The following CACNA2D3 variants were observed in gnomAD, a reference collection of about 807,000 sequenced individuals.
The protein encoded by CACNA2D3 is calcium voltage-gated channel auxiliary subunit alpha2delta 3.
In CACNA2D3, 60 loss-of-function variants were observed where a neutral mutation model predicts 160.6. The ratio of observed to expected loss-of-function variants is 0.37; its 90% CI spans 0.30 to 0.46. The LOEUF is 0.46. Ranked by LOEUF, CACNA2D3 falls within the 20% of genes least tolerant of loss-of-function variation. CACNA2D3 has a pLI of 1.00. For missense variants in CACNA2D3, 1,205 were observed against 1,365.0 expected, an observed-to-expected ratio of 0.88 and a Z score of 1.85; for synonymous variants, 558 against 492.9, an observed-to-expected ratio of 1.13 and a Z score of -1.75.
chr3:54,230,060 A>G (rs1236881656), intron 2 of CACNA2D3, among the ~76,000 whole-genome samples: 1 of 152,212 alleles, frequency 6.6e-6, no homozygotes, highest in Non-Finnish European at 1.5e-5. Context: ...AAGTTTAAGC[A>G]AAAAAGGAAA....
At chr3:55,033,713 ATATT>A (rs1260911899) in intron 35 of CACNA2D3, among the ~76,000 whole-genome samples, 1 of 87,420 alleles carries the variant, frequency 1.1e-5, no homozygotes, top group Non-Finnish European at 2.3e-5. Context: ...TATATAATAT[ATATT>A]ATATATTAAA....
intron 3 of CACNA2D3, among the ~76,000 whole-genome samples, chr3:54,385,640 A>G (rs1396575150): frequency 4.6e-5 from 7 of 152,118 alleles, no homozygotes; most frequent in African/African-American, 1.7e-4. Context: ...GCTTAAAGTT[A>G]CCCGAATGTA....
At chr3:54,910,254 C>A (rs1700527948) in intron 27 of CACNA2D3, among the ~76,000 whole-genome samples, 1 of 152,178 alleles carries the variant, frequency 6.6e-6, no homozygotes, top group African/African-American at 2.4e-5. Context: ...CTTTACCATT[C>A]TTCCACCAAC....
intron 17 of CACNA2D3, among the ~76,000 whole-genome samples, chr3:54,871,043 T>TACACACACACACAC (rs58370850): frequency 1.4e-5 from 2 of 142,952 alleles, no homozygotes; most frequent in African/African-American, 5.3e-5. Flanking sequence ...AGCTTTGGGA[T>TACACACACACACAC]ACACACACAC....
At chr3:54,291,676 G>A (rs113354253) in intron 2 of CACNA2D3, among the ~76,000 whole-genome samples, 2 of 152,094 alleles carry the variant, frequency 1.3e-5, no homozygotes, top group Admixed American at 1.3e-4. Context: ...CTATCTTTTT[G>A]ATAAGATTTA....
chr3:54,740,556 A>T (rs1333165985), intron 11 of CACNA2D3, among the ~76,000 whole-genome samples: 1 of 152,150 alleles, frequency 6.6e-6, no homozygotes, highest in East Asian at 1.9e-4. Flanking sequence ...CCAAAAACCC[A>T]CAAGTCATTC....
At chr3:54,945,624 T>C (rs542558846) in intron 27 of CACNA2D3, among the ~76,000 whole-genome samples, 3 of 152,350 alleles carry the variant, frequency 2.0e-5, no homozygotes, top group South Asian at 4.1e-4. Flanking sequence ...TCAGTGCCTC[T>C]CAGCCCACCC....
chr3:54,215,536 A>C (rs983149175), intron 2 of CACNA2D3, among the ~76,000 whole-genome samples: 1 of 152,202 alleles, frequency 6.6e-6, no homozygotes, highest in Non-Finnish European at 1.5e-5. Context: ...TTTTGATTTT[A>C]GAAGCCAAGA....
At chr3:54,747,088 G>A (rs1701764199) in intron 11 of CACNA2D3, among the ~76,000 whole-genome samples, 1 of 152,050 alleles carries the variant, frequency 6.6e-6, no homozygotes, top group Non-Finnish European at 1.5e-5. Context: ...TCCTGGAAAT[G>A]GCTCCAGTGA....
intron 14 of CACNA2D3, among the ~76,000 whole-genome samples, chr3:54,821,715 T>G (rs1703605326): frequency 7.2e-6 from 1 of 138,324 alleles, no homozygotes; most frequent in East Asian, 2.1e-4. Context: ...CTTCCTTCTT[T>G]CCTCTCTCTC....
intron 4 of CACNA2D3, among the ~76,000 whole-genome samples, chr3:54,464,924 A>G (rs1417307710): frequency 1.3e-5 from 2 of 152,088 alleles, no homozygotes; most frequent in African/African-American, 4.8e-5. Flanking sequence ...TTCTCCTTAA[A>G]TACATTTTCT....
chr3:54,916,644 G>C (rs904868252), intron 27 of CACNA2D3, among the ~76,000 whole-genome samples: 1 of 152,200 alleles, frequency 6.6e-6, no homozygotes, highest in African/African-American at 2.4e-5. Flanking sequence ...ACCATGGCAG[G>C]TGTAGATTGT....
chr3:54,633,852 T>C (rs1372873750), intron 10 of CACNA2D3: 3 of 152,222 alleles, frequency 2.0e-5, no homozygotes, highest in African/African-American at 7.2e-5. Flanking sequence ...TTATCTTGTC[T>C]GTGGAAGAAT....
intron 4 of CACNA2D3, among the ~76,000 whole-genome samples, chr3:54,401,544 G>A (rs1699465053): frequency 6.6e-6 from 1 of 152,178 alleles, no homozygotes; most frequent in African/African-American, 2.4e-5. Flanking sequence ...TCGTTAGAAT[G>A]TCAGTGAATT....
chr3:54,969,926 AT>A, intron 29 of CACNA2D3, 82 bp downstream of exon 29: 1 of 1,213,850 alleles, frequency 8.2e-7, no homozygotes, highest in Non-Finnish European at 1.2e-6. Context: ...GAATGCCCTT[AT>A]AAACAAGGCC....
intron 5 of CACNA2D3, among the ~76,000 whole-genome samples, chr3:54,539,411 T>C (rs988400495): frequency 2.6e-5 from 4 of 152,234 alleles, no homozygotes; most frequent in Non-Finnish European, 4.4e-5. Flanking sequence ...CAGTTAATGG[T>C]GCCTTGCCCA....
At chr3:54,388,585 C>T (rs1699228665) in intron 4 of CACNA2D3, among the ~76,000 whole-genome samples, 1 of 152,198 alleles carries the variant, frequency 6.6e-6, no homozygotes, top group African/African-American at 2.4e-5. Flanking sequence ...GCAGCTGGCC[C>T]AGCTCTTTGA....
chr3:54,751,799 C>A (rs1246851642), intron 11 of CACNA2D3, among the ~76,000 whole-genome samples: 1 of 152,178 alleles, frequency 6.6e-6, no homozygotes, highest in African/African-American at 2.4e-5. Context: ...CTGCACATGG[C>A]CCATCCGAAG....
intron 2 of CACNA2D3, among the ~76,000 whole-genome samples, chr3:54,316,029 G>A (rs777140428): frequency 6.6e-6 from 1 of 152,194 alleles, no homozygotes; most frequent in Non-Finnish European, 1.5e-5. Context: ...ACAGCTGGCT[G>A]TGAATGTACA....
Sources: gnomAD v4.1 joint callset for allele counts (sites outside exome capture counted in the v4.1 genomes callset) on GRCh38, gnomAD v4.1.1 for gene constraint, MANE v1.5 for transcripts, NCBI Gene and HGNC (gene_info 2026-07-23, HGNC 2026-07-21) for gene names.